The following ZNF385D variants were observed in gnomAD, a reference collection of about 807,000 sequenced individuals.
ZNF385D encodes zinc finger protein 385D.
ZNF385D carries 15 observed loss-of-function variants against 35.8 expected under a neutral mutation model. The observed-to-expected ratio is 0.42, with a 90% CI of 0.28 to 0.64. The LOEUF (loss-of-function observed/expected upper bound fraction) is 0.64, where lower values mean the gene tolerates loss of function less well. ZNF385D is among the 30% of genes least tolerant of loss of function. ZNF385D has a pLI of 0.23. For missense variants in ZNF385D, 474 were observed against 494.6 expected (o/e 0.96, Z 0.39); for synonymous variants, 212 against 186.8 (o/e 1.13, Z -1.10).
rs186347716 is a variant in ZNF385D at position 21,509,189 on chromosome 3, G to T, written c.439+1672C>A. On this transcript the variant is annotated intron_variant, in intron 4 of 7. Transcript: ENST00000281523. ...AAAAAAGTCAAGATAACCCAAAGAT[G>T]AATTGTTGATTTAAAAAGTCTAAAA... Among the ~76,000 whole-genome samples the T allele has an allele frequency of 1.8e-3, 276 of 152,174 alleles. 2 individuals are homozygous for T. Among genetic ancestry groups the T allele is most frequent in the South Asian group, 5.8e-3 (28 of 4,822 alleles).
intron 2 of ZNF385D, among the ~76,000 whole-genome samples, chr3:22,341,317 G>A (rs1468218613): frequency 6.6e-6 from 1 of 151,962 alleles, no homozygotes; most frequent in Non-Finnish European, 1.5e-5. Flanking sequence ...ACTTGTTTTG[G>A]GACACAATCA....
intron 3 of ZNF385D, among the ~76,000 whole-genome samples, chr3:22,125,451 T>C (rs1703369829): frequency 6.6e-6 from 1 of 152,108 alleles, no homozygotes; most frequent in African/African-American, 2.4e-5. Context: ...TTTGTGAAGA[T>C]TGTCAATGCT....
intron 3 of ZNF385D, among the ~76,000 whole-genome samples, chr3:21,795,845 C>T (rs1481713224): frequency 5.3e-5 from 8 of 152,322 alleles, no homozygotes; most frequent in Middle Eastern, 3.4e-3. Flanking sequence ...AGGCGCTATT[C>T]TCAATGGCAA....
intron 3 of ZNF385D, among the ~76,000 whole-genome samples, chr3:21,926,479 G>T (rs1438334590): frequency 6.6e-6 from 1 of 152,004 alleles, no homozygotes; most frequent in Admixed American, 6.6e-5. Flanking sequence ...CTTTTTTATG[G>T]CTGCATAGTA....
At chr3:21,844,738 C>G (rs879016639) in intron 3 of ZNF385D, among the ~76,000 whole-genome samples, 2 of 151,918 alleles carry the variant, frequency 1.3e-5, no homozygotes, top group Admixed American at 1.3e-4. Context: ...TGCACTGTCA[C>G]TAAATTGTTC....
At chr3:21,772,936 G>A (rs1004152834) in intron 3 of ZNF385D, among the ~76,000 whole-genome samples, 2 of 151,840 alleles carry the variant, frequency 1.3e-5, no homozygotes, top group Admixed American at 1.3e-4. Context: ...AACATGCTAA[G>A]TGAAATAGCC....
chr3:21,495,736 A>G (rs1384531179), intron 4 of ZNF385D, among the ~76,000 whole-genome samples: 2 of 152,144 alleles, frequency 1.3e-5, no homozygotes, highest in African/African-American at 4.8e-5. Context: ...GTAAAAAAAC[A>G]TACAAAAGAT....
intron 3 of ZNF385D, among the ~76,000 whole-genome samples, chr3:22,058,914 A>T (rs954412427): frequency 6.6e-6 from 1 of 152,160 alleles, no homozygotes; most frequent in East Asian, 1.9e-4. Flanking sequence ...TCTTAATCCA[A>T]ATCTTTTCCT....
At chr3:21,433,392 G>C (rs1701394803) in intron 5 of ZNF385D, among the ~76,000 whole-genome samples, 1 of 152,188 alleles carries the variant, frequency 6.6e-6, no homozygotes, top group South Asian at 2.1e-4. Flanking sequence ...AAAACAATTA[G>C]AACTATTATT....
At chr3:21,607,673 TGTTA>T (rs1174676878) in intron 2 of ZNF385D, among the ~76,000 whole-genome samples, 1 of 152,128 alleles carries the variant, frequency 6.6e-6, no homozygotes, top group Non-Finnish European at 1.5e-5. Context: ...GTTTAGGTTC[TGTTA>T]GTTCTTGGAT....
intron 2 of ZNF385D, among the ~76,000 whole-genome samples, chr3:22,289,705 T>C (rs1440595658): frequency 6.6e-6 from 1 of 152,148 alleles, no homozygotes; most frequent in African/African-American, 2.4e-5. Flanking sequence ...CTAGTACGTC[T>C]CATTTCCTGG....
intron 3 of ZNF385D, among the ~76,000 whole-genome samples, chr3:21,763,466 A>G (rs955007703): frequency 3.9e-5 from 6 of 152,348 alleles, no homozygotes; most frequent in South Asian, 2.1e-4. Context: ...GAACAAATAC[A>G]TCAGCTTTGA....
At chr3:21,884,700 C>T (rs1698451262) in intron 3 of ZNF385D, among the ~76,000 whole-genome samples, 1 of 152,018 alleles carries the variant, frequency 6.6e-6, no homozygotes, top group Admixed American at 6.6e-5. Context: ...TTCATCTGTA[C>T]AGTGGAAATA....
chr3:21,833,571 C>T (rs936761231), intron 3 of ZNF385D, among the ~76,000 whole-genome samples: 11 of 152,246 alleles, frequency 7.2e-5, no homozygotes, highest in South Asian at 2.1e-4. Flanking sequence ...GCCCTGCCAC[C>T]GCTTGATTTT....
chr3:21,421,989 A>C (rs1700760467), intron 7 of ZNF385D, among the ~76,000 whole-genome samples: 1 of 152,168 alleles, frequency 6.6e-6, no homozygotes, highest in Non-Finnish European at 1.5e-5. Flanking sequence ...TTTCTCCCCT[A>C]AATTTTGACA....
chr3:21,813,286 C>T (rs537569385), intron 3 of ZNF385D, among the ~76,000 whole-genome samples: 1 of 152,290 alleles, frequency 6.6e-6, no homozygotes, highest in African/African-American at 2.4e-5. Flanking sequence ...ATCAGAGCAC[C>T]TCTTCTCCTC....
chr3:22,093,000 C>A (rs1160632336), intron 3 of ZNF385D, among the ~76,000 whole-genome samples: 2 of 152,070 alleles, frequency 1.3e-5, no homozygotes. Context: ...CAAAACTTAG[C>A]TGAGCCCAGC....
At chr3:22,277,239 A>G (rs1320959824) in intron 2 of ZNF385D, among the ~76,000 whole-genome samples, 1 of 152,146 alleles carries the variant, frequency 6.6e-6, no homozygotes, top group African/African-American at 2.4e-5. Context: ...TGTGGGTTCA[A>G]CAAAGCCAGA....
intron 3 of ZNF385D, among the ~76,000 whole-genome samples, chr3:22,133,207 G>A (rs970357653): frequency 3.3e-5 from 5 of 152,078 alleles, no homozygotes; most frequent in African/African-American, 4.8e-5. Context: ...AATATCTCCA[G>A]CTTTGGGAAA....
Sources: gnomAD v4.1 joint callset for allele counts (sites outside exome capture counted in the v4.1 genomes callset) on GRCh38, gnomAD v4.1.1 for gene constraint, MANE v1.5 for transcripts, NCBI Gene and HGNC (gene_info 2026-07-23, HGNC 2026-07-21) for gene names.